C1orf146: variants seen among roughly 807,000 people sequenced by gnomAD.
C1orf146 encodes the protein protein SPO16 homolog.
In C1orf146, 22 loss-of-function variants were observed where a neutral mutation model predicts 23.0. That is an observed-to-expected ratio of 0.96 (90% CI 0.68 to 1.36). C1orf146 has a LOEUF of 1.36. Ranked by LOEUF, C1orf146 falls within the 40% of genes most tolerant of loss-of-function variation. The probability of loss-of-function intolerance (pLI) is 0.00; values close to 1 mark genes in which losing one functional copy is unlikely to be tolerated. For missense variants in C1orf146, 199 were observed against 206.8 expected (o/e 0.96, Z 0.23); for synonymous variants, 59 against 65.3 (o/e 0.90, Z 0.47).
At chr1:92,232,977 T>C (rs1170232093) in intron 2 of C1orf146, among the ~76,000 whole-genome samples, 1 of 152,182 alleles carries the variant, frequency 6.6e-6, no homozygotes, top group East Asian at 1.9e-4. Context: ...TCTTGTAGAT[T>C]TGTTTGAGTT....
In C1orf146 at chr1:92,221,453, A is replaced by G. The variant is rs77599295; in HGVS notation, c.-40+3405A>G. On this transcript the variant is annotated intron_variant, in intron 1 of 5. Coordinates refer to ENST00000370375, the MANE Select transcript of C1orf146 (RefSeq NM_001012425.2). ...ACATCACACAATATACCCATGAAAC[A>G]AACCTGCACATATACCCCCTGAATC... Among the ~76,000 whole-genome samples the G allele has an allele frequency of 2.0e-4, 31 of 152,342 alleles. No individual in the cohort carries two copies. The East Asian group carries it at 5.4e-3, about 27-fold the overall frequency.
intron 1 of C1orf146, chr1:92,229,058 C>T: frequency 2.0e-6 from 1 of 491,052 alleles, no homozygotes; most frequent in South Asian, 1.7e-5. Context: ...ACTTGTCATA[C>T]TCCTGCTTGC....
In C1orf146 at chr1:92,245,526, A is replaced by C. The variant is rs765241822; in HGVS notation, c.409-14A>C. On this transcript the variant is annotated splice_polypyrimidine_tract_variant and intron_variant, in intron 5 of 5. Coordinates refer to ENST00000370375, the MANE Select transcript of C1orf146 (RefSeq NM_001012425.2). Reference sequence around the variant, plus strand: ...TTTCTGTAAATAATGCTGCATCTTTATATCTTCTTCCAGACTACCTCCAAA... The same window carrying C: ...TTTCTGTAAATAATGCTGCATCTTTCTATCTTCTTCCAGACTACCTCCAAA... The C allele has an allele frequency of 1.3e-6, 2 of 1,575,540 alleles. No individual in the cohort carries two copies. The highest frequency in any genetic ancestry group is 1.9e-5 in the Admixed American group (1 of 51,322).
At chr1:92,241,986 T>A (rs1244208599) in intron 2 of C1orf146, among the ~76,000 whole-genome samples, 1 of 152,240 alleles carries the variant, frequency 6.6e-6, no homozygotes, top group Non-Finnish European at 1.5e-5. Flanking sequence ...AACATAACTG[T>A]AGTACGTAAC....
chr1:92,236,304 C>G lies in C1orf146; in HGVS notation c.66+4818C>G, dbSNP rs975468018. Among the ~76,000 whole-genome samples, 132 of 151,930 alleles carry G rather than the reference C, an allele frequency of 8.7e-4. 1 individual carries two copies. The highest frequency in any genetic ancestry group is 1.4e-3 in the Non-Finnish European group (98 of 67,962). Reference sequence around the variant, plus strand: ...TGGGAGCTCTTTTAGGGCAGGCCTGCTGGTGACAAAATCTCTCAGCATTTG... The same window carrying G: ...TGGGAGCTCTTTTAGGGCAGGCCTGGTGGTGACAAAATCTCTCAGCATTTG... On this transcript the variant is annotated intron_variant, in intron 2 of 5. Transcript: ENST00000370375.
intron 1 of C1orf146, among the ~76,000 whole-genome samples, chr1:92,219,926 C>T (rs960781230): frequency 2.6e-5 from 4 of 152,110 alleles, no homozygotes; most frequent in Non-Finnish European, 5.9e-5. Flanking sequence ...ACCTTTATAT[C>T]AGTATAGACT....
intron 1 of C1orf146, among the ~76,000 whole-genome samples, chr1:92,227,934 A>G (rs1488398223): frequency 2.0e-5 from 3 of 151,946 alleles, no homozygotes; most frequent in African/African-American, 2.4e-5. Context: ...TCTGTAGTCA[A>G]TTTTGGAAAA....
intron 1 of C1orf146, among the ~76,000 whole-genome samples, chr1:92,228,250 T>A (rs1652017701): frequency 6.6e-6 from 1 of 152,248 alleles, no homozygotes; most frequent in Non-Finnish European, 1.5e-5. Context: ...TCAAATTTTC[T>A]GCCAAAATGC....
chr1:92,232,559 G>A (rs1028824766), intron 2 of C1orf146, among the ~76,000 whole-genome samples: 16 of 152,180 alleles, frequency 1.1e-4, no homozygotes, highest in Non-Finnish European at 2.2e-4. Flanking sequence ...GAATAGTGCC[G>A]CAGTAAACAT....
chr1:92,243,460 C>T (rs1457679246), intron 3 of C1orf146, among the ~76,000 whole-genome samples: 2 of 152,186 alleles, frequency 1.3e-5, no homozygotes, highest in Non-Finnish European at 2.9e-5. Flanking sequence ...CATTCTCCTG[C>T]CTCAGCCTCC....
intron 1 of C1orf146, among the ~76,000 whole-genome samples, chr1:92,219,678 A>G (rs930190893): frequency 1.3e-5 from 2 of 151,466 alleles, no homozygotes; most frequent in African/African-American, 4.9e-5. Context: ...GGGTCTTGCT[A>G]TGTTGCCCAG....
chr1:92,242,942 G>T (rs1177197099), intron 3 of C1orf146, among the ~76,000 whole-genome samples: 1 of 152,162 alleles, frequency 6.6e-6, no homozygotes, highest in Non-Finnish European at 1.5e-5. Context: ...AGCAGTTTTG[G>T]AAGACAAGCA....
chr1:92,243,882 A>T (rs563783064), intron 3 of C1orf146, among the ~76,000 whole-genome samples: 1 of 152,262 alleles, frequency 6.6e-6, no homozygotes, highest in Admixed American at 6.5e-5. Context: ...ATGAAAAATT[A>T]ACTTTTTAAA....
chr1:92,242,115 G>A, intron 2 of C1orf146, 97 bp from the exon 3 acceptor site: 2 of 555,894 alleles, frequency 3.6e-6, no homozygotes, highest in Non-Finnish European at 6.1e-6. Context: ...TTAAGTGGTA[G>A]TTATAAAACA....
At chr1:92,232,552 T>G (rs965932105) in intron 2 of C1orf146, among the ~76,000 whole-genome samples, 1 of 152,146 alleles carries the variant, frequency 6.6e-6, no homozygotes, top group African/African-American at 2.4e-5. Flanking sequence ...CTATTGTGAA[T>G]AGTGCCGCAG....
At chr1:92,231,338 C>T in intron 1 of C1orf146, 44 bp from the exon 2 acceptor site, 2 of 883,082 alleles carry the variant, frequency 2.3e-6, no homozygotes, top group Non-Finnish European at 1.8e-6. Context: ...TTTACTCATT[C>T]ATCAGATATT....
chr1:92,224,093 C>T (rs1651906269), intron 1 of C1orf146, among the ~76,000 whole-genome samples: 1 of 150,636 alleles, frequency 6.6e-6, no homozygotes, highest in Non-Finnish European at 1.5e-5. Context: ...CTCTGTCGCC[C>T]AGGCTGGAGT....
At chr1:92,220,393 C>G (rs1366742121) in intron 1 of C1orf146, among the ~76,000 whole-genome samples, 1 of 152,088 alleles carries the variant, frequency 6.6e-6, no homozygotes, top group Non-Finnish European at 1.5e-5. Flanking sequence ...AGAAATGCAT[C>G]ATTAGGTGAT....
At chr1:92,230,279 G>A (rs183860366) in intron 1 of C1orf146, among the ~76,000 whole-genome samples, 225 of 150,490 alleles carry the variant, frequency 1.5e-3, no homozygotes, top group Non-Finnish European at 2.4e-3. Flanking sequence ...TTTGGCCAAC[G>A]TAGGGAGACC....
Sources: gnomAD v4.1 joint callset for allele counts (sites outside exome capture counted in the v4.1 genomes callset) on GRCh38, gnomAD v4.1.1 for gene constraint, MANE v1.5 for transcripts, NCBI Gene and HGNC (gene_info 2026-07-23, HGNC 2026-07-21) for gene names.